The following DYSF variants were observed in gnomAD, a reference collection of about 807,000 sequenced individuals.
The protein encoded by DYSF is dysferlin.
DYSF carries 212 observed loss-of-function variants against 274.9 expected under a neutral mutation model. That is an observed-to-expected ratio of 0.77 (90% confidence interval 0.69 to 0.86). The LOEUF is 0.86. Among genes scored for constraint, DYSF ranks in the 40% least tolerant of loss-of-function variants. DYSF has a pLI of 0.00. For missense variants in DYSF, 2,666 were observed against 2,783.2 expected (o/e 0.96, Z 0.95); for synonymous variants, 1,091 against 1,078.7 (o/e 1.01, Z -0.22).
rs143412472 is a variant in DYSF, at chr2:71,493,894, G to A, written c.240-9320G>A. On this transcript the variant is annotated intron_variant, in intron 3 of 55. Coordinates refer to ENST00000410020, the MANE Select transcript of DYSF (RefSeq NM_001130987.2). ...AAAAAAGAAAGAAAGAAACACAAAG[G>A]TTTTTTAGAGGAAAAGAGGAAAATA... Among the ~76,000 whole-genome samples the A allele has an allele frequency of 4.9e-5, 7 of 143,906 alleles. No homozygotes were observed. In the East Asian group the frequency reaches 1.4e-3, roughly 29 times the overall value. The allele number at this position is 143,906 out of a possible 152,430, so 94.4% of individuals were successfully genotyped here.
chr2:71,611,540 T>C lies in DYSF; in HGVS notation c.4135T>C (p.Cys1379Arg), dbSNP rs776472879. Residue 1379 changes from cysteine to arginine, a missense_variant, in exon 38 of 56, where the codon TGT (cysteine) becomes CGT (arginine). By Grantham distance (180) the Cys-to-Arg change is radical. Around this residue, in one of 3 missense-constraint regions of DYSF, gnomAD observed 1,460 missense variants for 1,502.1 expected, o/e 0.97. Coordinates refer to ENST00000410020, the MANE Select transcript of DYSF (RefSeq NM_001130987.2). The stretch of plus-strand genomic sequence containing the variant: ...CTCCTCCCCCAGCCTCGTGGTAGAG[T>C]GTGGGGGCCAGACGGTGCAGTCCTG... ...NISSPSLVVE[C>R]GGQTVQSCVI... The C allele has an allele frequency of 1.9e-6, 3 of 1,613,434 alleles. No individual in the cohort carries two copies. The highest frequency in any genetic ancestry group is 1.1e-5 in the South Asian group (1 of 91,026).
At chr2:71,568,414 C>A in intron 26 of DYSF, 76 bp downstream of exon 26, 1 of 1,569,304 alleles carries the variant, frequency 6.4e-7, no homozygotes, top group Non-Finnish European at 8.7e-7. Flanking sequence ...CTTTTGGAGG[C>A]AGGCTGGGGT....
intron 3 of DYSF, among the ~76,000 whole-genome samples, chr2:71,496,633 T>C (rs1418191383): frequency 6.6e-6 from 1 of 152,022 alleles, no homozygotes; most frequent in Non-Finnish European, 1.5e-5. Flanking sequence ...GCCCTGAGTG[T>C]GACAGGCTGT....
intron 40 of DYSF, among the ~76,000 whole-genome samples, chr2:71,614,670 C>A (rs2093843532): frequency 6.6e-6 from 1 of 152,160 alleles, no homozygotes; most frequent in Admixed American, 6.5e-5. Context: ...AGGGGAGCAA[C>A]TGCGGCTCCT....
At chr2:71,487,934 T>A (rs955598084) in intron 3 of DYSF, among the ~76,000 whole-genome samples, 1 of 152,192 alleles carries the variant, frequency 6.6e-6, no homozygotes, top group Admixed American at 6.5e-5. Flanking sequence ...CACCATCAAG[T>A]AATAATGGCT....
At chr2:71,580,832 A>C (rs1254704622) in intron 30 of DYSF, among the ~76,000 whole-genome samples, 1 of 152,210 alleles carries the variant, frequency 6.6e-6, no homozygotes, top group East Asian at 1.9e-4. Flanking sequence ...TGTCTCGCTC[A>C]AGATTTGAAC....
At chr2:71,530,197 G>A (rs2152754075) in intron 14 of DYSF, among the ~76,000 whole-genome samples, 1 of 150,984 alleles carries the variant, frequency 6.6e-6, no homozygotes, top group South Asian at 2.1e-4. Flanking sequence ...AAGGAAACAG[G>A]AAGCTGCGGC....
At chr2:71,636,052 G>A (rs949776240) in intron 41 of DYSF, among the ~76,000 whole-genome samples, 1 of 152,108 alleles carries the variant, frequency 6.6e-6, no homozygotes, top group African/African-American at 2.4e-5. Flanking sequence ...GCCAGGGGAA[G>A]GACATGAGGG....
intron 32 of DYSF, among the ~76,000 whole-genome samples, chr2:71,595,545 G>A (rs754818256): frequency 6.6e-6 from 1 of 152,198 alleles, no homozygotes; most frequent in East Asian, 1.9e-4. Context: ...TATTGTGAAC[G>A]CAGAAGGTCC....
At chr2:71,648,805 C>G (rs184369360) in intron 42 of DYSF, among the ~76,000 whole-genome samples, 35 of 152,200 alleles carry the variant, frequency 2.3e-4, no homozygotes, top group African/African-American at 7.9e-4. Flanking sequence ...AGATGGCTTC[C>G]ATTTTTTCGT....
Position 71,574,495 on chromosome 2 carries a change from G to C in DYSF, c.3402+124G>C, listed in dbSNP as rs573367694. ...GGACTTTTGGATGGAACGCTGGCTG[G>C]TCATCCTGGCGTCAGTACCTGTGGG... On this transcript the variant is annotated intron_variant, in intron 30 of 55. Coordinates refer to ENST00000410020, the MANE Select transcript of DYSF (RefSeq NM_001130987.2). The C allele has an allele frequency of 5.9e-4, 719 of 1,218,284 alleles. 2 individuals are homozygous for C. Among genetic ancestry groups the C allele is most frequent in the Non-Finnish European group, 7.5e-4 (658 of 882,124 alleles). The allele number at this position is 1,218,284 out of a possible 1,614,324, so 75.5% of individuals were successfully genotyped here.
At chr2:71,512,989 G>A (rs1050330713) in intron 5 of DYSF, among the ~76,000 whole-genome samples, 15 of 152,092 alleles carry the variant, frequency 9.9e-5, no homozygotes, top group Non-Finnish European at 1.9e-4. Context: ...GGGAGGGTCC[G>A]AATACTCTGG....
intron 54 of DYSF, among the ~76,000 whole-genome samples, chr2:71,681,337 G>A (rs1037408704): frequency 1.3e-5 from 2 of 152,224 alleles, no homozygotes; most frequent in African/African-American, 4.8e-5. Context: ...TTGGGTACCT[G>A]TTGGTTGTGT....
intron 26 of DYSF, 111 bp from the exon 27 acceptor site, chr2:71,569,709 T>G: frequency 1.4e-4 from 122 of 849,676 alleles, no homozygotes; most frequent in Non-Finnish European, 2.0e-4. Flanking sequence ...ATGTCTCTCA[T>G]TGTTGGTTGG....
At chr2:71,628,387 AT>A (rs1320413184) in intron 41 of DYSF, among the ~76,000 whole-genome samples, 4 of 148,984 alleles carry the variant, frequency 2.7e-5, no homozygotes, top group African/African-American at 4.9e-5. Context: ...TTAAGTAATC[AT>A]TTTTTTCTTT....
At chr2:71,522,428 C>T (rs1422345091) in intron 12 of DYSF, among the ~76,000 whole-genome samples, 3 of 152,090 alleles carry the variant, frequency 2.0e-5, no homozygotes, top group Non-Finnish European at 4.4e-5. Context: ...CCATAGCGTT[C>T]GATTCTGGAG....
At chr2:71,665,086 AC>A in intron 46 of DYSF, 75 bp from the exon 47 acceptor site, 1 of 1,605,054 alleles carries the variant, frequency 6.2e-7, no homozygotes, top group African/African-American at 1.3e-5. Context: ...ATGGGGGTAC[AC>A]CAGTCCCTGC....
At chr2:71,490,845 T>A (rs1337525114) in intron 3 of DYSF, among the ~76,000 whole-genome samples, 2 of 152,244 alleles carry the variant, frequency 1.3e-5, no homozygotes, top group African/African-American at 2.4e-5. Flanking sequence ...TTTACCCCAC[T>A]GTACTCTCAT....
chr2:71,659,062 C>A (rs761970355), intron 44 of DYSF, 29 bp downstream of exon 44: 2 of 1,613,982 alleles, frequency 1.2e-6, no homozygotes, highest in Admixed American at 1.7e-5. Context: ...TCACCTCCCC[C>A]AGAGTAGCAG....
Sources: gnomAD v4.1 joint callset for allele counts (sites outside exome capture counted in the v4.1 genomes callset) on GRCh38, gnomAD v4.1.1 for gene constraint, gnomAD v4.1.1 regional missense constraint, MANE v1.5 for transcripts, NCBI Gene and HGNC (gene_info 2026-07-23, HGNC 2026-07-21) for gene names.